The following CMSS1 variants were observed in gnomAD, a reference collection of about 807,000 sequenced individuals.
CMSS1 encodes cms1 ribosomal small subunit homolog.
Under a neutral mutation model 43.5 loss-of-function variants are expected in CMSS1, and 33 were observed. That is an observed-to-expected ratio of 0.76 (90% CI 0.57 to 1.01). The LOEUF is 1.01. Ranked by LOEUF, CMSS1 falls within the 50% of genes least tolerant of loss-of-function variation. CMSS1 has a pLI of 0.00. For missense variants in CMSS1, 313 were observed against 326.4 expected (o/e 0.96, Z 0.32); for synonymous variants, 115 against 117.2 (o/e 0.98, Z 0.12).
intron 8 of CMSS1, chr3:100,176,089 T>C (rs868696978): frequency 1.1e-5 from 4 of 374,098 alleles, no homozygotes; most frequent in South Asian, 4.4e-5. Flanking sequence ...TTGAGGAGCT[T>C]AGCAAGAGCA....
chr3:100,034,051 A>C (rs902470720), intron 1 of CMSS1, among the ~76,000 whole-genome samples: 2 of 152,186 alleles, frequency 1.3e-5, no homozygotes, highest in Admixed American at 6.5e-5. Flanking sequence ...GCCATGCGTT[A>C]TTTTGCTTAC....
At chr3:99,987,747 CTT>C (rs753843418) in intron 1 of CMSS1, among the ~76,000 whole-genome samples, 9 of 152,068 alleles carry the variant, frequency 5.9e-5, no homozygotes, top group Non-Finnish European at 1.0e-4. Flanking sequence ...TGTAATGAAA[CTT>C]TTTTGAAATT....
rs376051662 is a variant in CMSS1 at position 100,129,982 on chromosome 3, A to G, written c.65-16991A>G. Among the ~76,000 whole-genome samples, 170 of 152,114 alleles carry G rather than the reference A, an allele frequency of 1.1e-3. 6 individuals are homozygous for G. The South Asian group carries it at 0.022, about 20-fold the overall frequency. Reference sequence around the variant, plus strand: ...AATCACAATGCTGAAATGACTCTGTATATATTCTTTTTATCCTCTAAATTT... The same window carrying G: ...AATCACAATGCTGAAATGACTCTGTGTATATTCTTTTTATCCTCTAAATTT... On this transcript the variant is annotated intron_variant, in intron 1 of 9. Coordinates refer to ENST00000421999, the MANE Select transcript of CMSS1 (RefSeq NM_032359.4).
Position 99,885,039 on chromosome 3 carries a change from A to G in CMSS1, c.64+66996A>G, listed in dbSNP as rs77349701. Among the ~76,000 whole-genome samples the G allele has an allele frequency of 4.1e-3, 625 of 152,352 alleles. 9 individuals are homozygous for G. Among genetic ancestry groups the G allele is most frequent in the African/African-American group, 0.015 (607 of 41,582 alleles). ...CTGACAGCCTGTGGACTTGAGGGAA[A>G]AAACTGCAGGAGCAGAGTTTCCTTT... On this transcript the variant is annotated intron_variant, in intron 1 of 9. Transcript: ENST00000421999.
chr3:99,911,709 C>T (rs952768161), intron 1 of CMSS1, among the ~76,000 whole-genome samples: 6 of 152,230 alleles, frequency 3.9e-5, no homozygotes, highest in Non-Finnish European at 7.3e-5. Flanking sequence ...ATCCATCTTT[C>T]TAATCAGATC....
At chr3:100,024,918 C>T (rs1436622684) in intron 1 of CMSS1, among the ~76,000 whole-genome samples, 1 of 152,132 alleles carries the variant, frequency 6.6e-6, no homozygotes, top group Non-Finnish European at 1.5e-5. Flanking sequence ...GGACTGATAT[C>T]CTGGGCTTTT....
In CMSS1 at chr3:100,179,605, C is replaced by T. The variant is rs887069194; in HGVS notation, c.*1217C>T. 8.8e-6 allele frequency: 1 copy of T among 113,198 alleles called. No homozygotes were observed. The highest frequency in any genetic ancestry group is 2.2e-5 in the Non-Finnish European group (1 of 45,742). 7.0% of individuals were successfully genotyped at this position (113,198 alleles called of 1,614,324 possible). A position where few individuals can be genotyped will look rare whatever the true frequency, so the allele number is the denominator to read the frequency against. On this transcript the variant is annotated 3_prime_UTR_variant, in exon 10 of 10. Transcript: ENST00000421999. ...CCACTCTGATGCAAGGAGTGGGCTC[C>T]CAAGGCCTTAGGCAGCTCTGCCCCT...
At chr3:100,041,663 C>T (rs1010952263) in intron 1 of CMSS1, among the ~76,000 whole-genome samples, 2 of 152,066 alleles carry the variant, frequency 1.3e-5, no homozygotes, top group Non-Finnish European at 2.9e-5. Flanking sequence ...AATAGAATTA[C>T]TTGTATGTAT....
chr3:99,852,370 TG>T (rs1943738955), intron 1 of CMSS1, among the ~76,000 whole-genome samples: 1 of 152,248 alleles, frequency 6.6e-6, no homozygotes, highest in Non-Finnish European at 1.5e-5. Flanking sequence ...AATTATCAAA[TG>T]CATGTCTATC....
At chr3:100,050,977 A>G (rs577282124) in intron 1 of CMSS1, among the ~76,000 whole-genome samples, 2 of 152,326 alleles carry the variant, frequency 1.3e-5, no homozygotes, top group Non-Finnish European at 2.9e-5. Flanking sequence ...CTACCAAACT[A>G]TTTTCACATG....
At chr3:100,133,582 A>C (rs2066727586) in intron 1 of CMSS1, among the ~76,000 whole-genome samples, 1 of 152,220 alleles carries the variant, frequency 6.6e-6, no homozygotes, top group African/African-American at 2.4e-5. Flanking sequence ...TTTGTAGTAT[A>C]GTATTGATAA....
intron 1 of CMSS1, among the ~76,000 whole-genome samples, chr3:100,102,161 G>C (rs1228453315): frequency 1.3e-5 from 2 of 152,128 alleles, no homozygotes; most frequent in Non-Finnish European, 2.9e-5. Context: ...GGGTCAAATG[G>C]TATTTCTAGT....
At chr3:100,171,749 T>C in intron 6 of CMSS1, 90 bp from the exon 7 acceptor site, 2 of 1,044,096 alleles carry the variant, frequency 1.9e-6, no homozygotes, top group South Asian at 2.6e-5. Flanking sequence ...GCACACATCC[T>C]TTGAATAAAG....
chr3:99,869,185 G>T (rs1004249664), intron 1 of CMSS1, among the ~76,000 whole-genome samples: 1 of 152,158 alleles, frequency 6.6e-6, no homozygotes, highest in Non-Finnish European at 1.5e-5. Context: ...GTGAAGAGAA[G>T]AATTCACTTG....
intron 1 of CMSS1, among the ~76,000 whole-genome samples, chr3:99,996,630 CAT>C (rs1709691363): frequency 6.6e-6 from 1 of 152,154 alleles, no homozygotes; most frequent in Admixed American, 6.5e-5. Flanking sequence ...TACAGTTCCA[CAT>C]GTCTGGGGAG....
intron 1 of CMSS1, among the ~76,000 whole-genome samples, chr3:100,099,560 CTT>C (rs1165958548): frequency 6.6e-6 from 1 of 152,106 alleles, no homozygotes; most frequent in East Asian, 1.9e-4. Context: ...AGTCATTTAA[CTT>C]TTCTGAGCCT....
At chr3:99,832,669 C>A (rs1281171967) in intron 1 of CMSS1, among the ~76,000 whole-genome samples, 1 of 148,022 alleles carries the variant, frequency 6.8e-6, no homozygotes, top group Admixed American at 6.7e-5. Flanking sequence ...ACGGTGAAAC[C>A]CTGTCTCTAC....
chr3:99,824,831 T>A (rs1196541906), intron 1 of CMSS1, among the ~76,000 whole-genome samples: 1 of 152,248 alleles, frequency 6.6e-6, no homozygotes, highest in Non-Finnish European at 1.5e-5. Flanking sequence ...TGGTGACAGC[T>A]TTTGTCACCT....
chr3:100,046,612 C>T (rs1439770776), intron 1 of CMSS1, among the ~76,000 whole-genome samples: 1 of 152,056 alleles, frequency 6.6e-6, no homozygotes, highest in Non-Finnish European at 1.5e-5. Context: ...AAAGAGGGGT[C>T]CTGTTGTCAT....
Sources: gnomAD v4.1 joint callset for allele counts (sites outside exome capture counted in the v4.1 genomes callset) on GRCh38, gnomAD v4.1.1 for gene constraint, MANE v1.5 for transcripts, NCBI Gene and HGNC (gene_info 2026-07-23, HGNC 2026-07-21) for gene names.